The following RBFOX1 variants were observed in gnomAD, a reference collection of about 807,000 sequenced individuals.
The protein encoded by RBFOX1 is RNA binding protein fox-1 homolog 1.
RBFOX1 carries 8 observed loss-of-function variants against 57.7 expected under a neutral mutation model. The observed-to-expected ratio is 0.14, with a 90% confidence interval of 0.08 to 0.25. The LOEUF (loss-of-function observed/expected upper bound fraction) is 0.25. Ranked by LOEUF, RBFOX1 falls within the 10% of genes least tolerant of loss-of-function variation. RBFOX1 has a pLI of 1.00. For missense variants in RBFOX1, 611 were observed against 548.5 expected, an observed-to-expected ratio of 1.11 and a Z score of -1.14; for synonymous variants, 326 against 222.4, an observed-to-expected ratio of 1.47 and a Z score of -4.15.
At chr16:7,474,569 T>C (rs1317289482) in intron 4 of RBFOX1, among the ~76,000 whole-genome samples, 1 of 152,224 alleles carries the variant, frequency 6.6e-6, no homozygotes, top group African/African-American at 2.4e-5. Context: ...ATTTTTAAAA[T>C]GGCAAAATTA....
At chr16:6,801,947 A>G (rs942480579) in intron 3 of RBFOX1, among the ~76,000 whole-genome samples, 2 of 152,128 alleles carry the variant, frequency 1.3e-5, no homozygotes, top group Non-Finnish European at 2.9e-5. Flanking sequence ...AATTTAATCT[A>G]AATGGGTCTA....
At chr16:7,097,244 G>A (rs1213414337) in intron 4 of RBFOX1, among the ~76,000 whole-genome samples, 1 of 152,150 alleles carries the variant, frequency 6.6e-6, no homozygotes, top group Non-Finnish European at 1.5e-5. Context: ...CTAGGGAGGT[G>A]TGGTGGTTAG....
intron 4 of RBFOX1, among the ~76,000 whole-genome samples, chr16:7,157,573 G>A (rs74009268): frequency 6.6e-6 from 1 of 151,872 alleles, no homozygotes; most frequent in African/African-American, 2.4e-5. Flanking sequence ...GTCCAGGCAC[G>A]TGAAAATATC....
rs74622219 is a variant in RBFOX1, at chr16:7,698,972, A to G, written c.996-10084A>G. Among the ~76,000 whole-genome samples, 546 of 152,314 alleles carry G rather than the reference A, an allele frequency of 3.6e-3. 4 individuals carry two copies. Among genetic ancestry groups the G allele is most frequent in the African/African-American group, 0.013 (523 of 41,566 alleles). Reference sequence around the variant, plus strand: ...TGTATCCATGCATGCAGAATTTTAAAAAATGGAATGGTGGTTATCAAATTC... The same window carrying G: ...TGTATCCATGCATGCAGAATTTTAAGAAATGGAATGGTGGTTATCAAATTC... On this transcript the variant is annotated intron_variant, in intron 14 of 15. Coordinates refer to ENST00000550418, the MANE Select transcript of RBFOX1 (RefSeq NM_018723.4).
chr16:6,506,039 A>G (rs79237868), intron 2 of RBFOX1, among the ~76,000 whole-genome samples: 1 of 152,332 alleles, frequency 6.6e-6, no homozygotes, highest in Non-Finnish European at 1.5e-5. Context: ...CCTAAAGGAA[A>G]GATTCCTGAT....
intron 4 of RBFOX1, among the ~76,000 whole-genome samples, chr16:7,160,089 G>T (rs1197284817): frequency 6.6e-6 from 1 of 151,996 alleles, no homozygotes. Context: ...AACAGTATTA[G>T]AACTAATTTC....
intron 1 of RBFOX1, among the ~76,000 whole-genome samples, chr16:5,411,484 C>G (rs774110514): frequency 1.3e-5 from 2 of 152,162 alleles, no homozygotes; most frequent in Non-Finnish European, 2.9e-5. Flanking sequence ...ACAGCCCTGT[C>G]GATACCTTGA....
intron 4 of RBFOX1, among the ~76,000 whole-genome samples, chr16:7,381,456 A>G (rs74012509): frequency 6.6e-6 from 1 of 152,056 alleles, no homozygotes; most frequent in East Asian, 1.9e-4. Flanking sequence ...ATGATCTGTT[A>G]GTAAAATATA....
At chr16:7,315,456 A>ACCCCCCCC (rs34625153) in intron 4 of RBFOX1, among the ~76,000 whole-genome samples, 1 of 123,770 alleles carries the variant, frequency 8.1e-6, no homozygotes, top group Non-Finnish European at 1.9e-5. Flanking sequence ...ACTCTACCCT[A>ACCCCCCCC]CCCCCCCCCC....
chr16:6,943,331 C>A (rs373676946), intron 3 of RBFOX1, among the ~76,000 whole-genome samples: 1 of 152,208 alleles, frequency 6.6e-6, no homozygotes, highest in Non-Finnish European at 1.5e-5. Flanking sequence ...TTGAAAAGGA[C>A]TGCATACTTC....
intron 4 of RBFOX1, among the ~76,000 whole-genome samples, chr16:7,152,133 T>C (rs542336686): frequency 2.0e-3 from 310 of 152,130 alleles, no homozygotes; most frequent in Non-Finnish European, 3.1e-3. Flanking sequence ...CAAAAGAAGG[T>C]GTCAATTCTG....
At chr16:7,244,942 T>G (rs1218674289) in intron 4 of RBFOX1, among the ~76,000 whole-genome samples, 1 of 152,184 alleles carries the variant, frequency 6.6e-6, no homozygotes, top group African/African-American at 2.4e-5. Context: ...AGAGGCACAG[T>G]AGGGAGCAGT....
At chr16:5,355,919 C>G (rs750441764) in intron 1 of RBFOX1, among the ~76,000 whole-genome samples, 5 of 152,082 alleles carry the variant, frequency 3.3e-5, no homozygotes, top group African/African-American at 9.7e-5. Context: ...GGCTAAACCC[C>G]GTATCTACAA....
At chr16:7,647,835 C>T (rs571142146) in intron 11 of RBFOX1, among the ~76,000 whole-genome samples, 1 of 152,108 alleles carries the variant, frequency 6.6e-6, no homozygotes, top group Non-Finnish European at 1.5e-5. Flanking sequence ...ATGTCTGGAT[C>T]CAGACATCTA....
chr16:7,404,958 C>T (rs775793458), intron 4 of RBFOX1, among the ~76,000 whole-genome samples: 2 of 152,220 alleles, frequency 1.3e-5, no homozygotes, highest in East Asian at 1.9e-4. Context: ...CATGTCTACT[C>T]CCTCTAGTAG....
chr16:6,864,032 A>C (rs893145191), intron 3 of RBFOX1, among the ~76,000 whole-genome samples: 3 of 145,828 alleles, frequency 2.1e-5, no homozygotes, highest in Non-Finnish European at 4.5e-5. Flanking sequence ...CAAAACCTCT[A>C]ATTAACCTGC....
intron 3 of RBFOX1, among the ~76,000 whole-genome samples, chr16:5,847,183 A>G (rs1366073895): frequency 1.3e-5 from 2 of 152,106 alleles, no homozygotes; most frequent in South Asian, 2.1e-4. Flanking sequence ...GGAGTGAGAA[A>G]TACATGACTC....
intron 4 of RBFOX1, among the ~76,000 whole-genome samples, chr16:7,489,705 A>G (rs1049355593): frequency 6.8e-6 from 1 of 147,508 alleles, no homozygotes. Flanking sequence ...TTTTGTAGAG[A>G]CCGTTTTTTT....
intron 2 of RBFOX1, among the ~76,000 whole-genome samples, chr16:6,569,521 A>C (rs2097314782): frequency 6.6e-6 from 1 of 152,228 alleles, no homozygotes; most frequent in Non-Finnish European, 1.5e-5. Flanking sequence ...TGTCCTAGAC[A>C]GACCTCTGAG....
Sources: gnomAD v4.1 joint callset for allele counts (sites outside exome capture counted in the v4.1 genomes callset) on GRCh38, gnomAD v4.1.1 for gene constraint, MANE v1.5 for transcripts, NCBI Gene and HGNC (gene_info 2026-07-23, HGNC 2026-07-21) for gene names.